The following SYNDIG1L variants were observed in gnomAD, a reference collection of about 807,000 sequenced individuals.
SYNDIG1L encodes the protein synapse differentiation-inducing gene protein 1-like.
Under a neutral mutation model 20.1 loss-of-function variants are expected in SYNDIG1L, and 13 were observed. The ratio of observed to expected loss-of-function variants is 0.65; its 90% CI spans 0.42 to 1.03. The LOEUF (loss-of-function observed/expected upper bound fraction) is 1.03, where lower values mean the gene tolerates loss of function less well. Ranked by LOEUF, SYNDIG1L falls within the 50% of genes least tolerant of loss-of-function variation. The probability of loss-of-function intolerance (pLI) is 0.00; values close to 1 mark genes in which losing one functional copy is unlikely to be tolerated. For missense variants in SYNDIG1L, 294 were observed against 305.1 expected (o/e 0.96, Z 0.27); for synonymous variants, 128 against 129.3 (o/e 0.99, Z 0.07).
At chr14:74,445,061 C>T in the SYNDIG1L span, among the ~76,000 whole-genome samples, 4 of 152,066 alleles carry the variant, frequency 2.6e-5, no homozygotes, top group Admixed American at 2.6e-4. Flanking sequence ...AAGGTGGATC[C>T]CTAATGAATG....
chr14:74,451,013 A>G, the SYNDIG1L span, among the ~76,000 whole-genome samples: 1 of 152,198 alleles, frequency 6.6e-6, no homozygotes, highest in Non-Finnish European at 1.5e-5. Flanking sequence ...AGATTGATCT[A>G]TGGATTCATT....
chr14:74,436,692 T>G, the SYNDIG1L span, among the ~76,000 whole-genome samples: 1 of 151,786 alleles, frequency 6.6e-6, no homozygotes, highest in African/African-American at 2.4e-5. Flanking sequence ...CTACTAAAAA[T>G]ACAAAAAATT....
chr14:74,433,128 A>G, the SYNDIG1L span, among the ~76,000 whole-genome samples: 2 of 152,086 alleles, frequency 1.3e-5, no homozygotes, highest in Admixed American at 6.6e-5. Flanking sequence ...AATCATTGAG[A>G]TCTCTAACCC....
chr14:74,448,008 A>C, the SYNDIG1L span, among the ~76,000 whole-genome samples: 8 of 152,174 alleles, frequency 5.3e-5, no homozygotes, highest in Non-Finnish European at 1.2e-4. Flanking sequence ...CAAAACAAAG[A>C]GTTACAACTA....
At chr14:74,462,078 CTG>C in the SYNDIG1L span, among the ~76,000 whole-genome samples, 244 of 133,966 alleles carry the variant, frequency 1.8e-3, 6 homozygotes, top group Middle Eastern at 0.01. Context: ...GAGTGAGACT[CTG>C]TCTCAAAAAC....
the SYNDIG1L span, among the ~76,000 whole-genome samples, chr14:74,477,091 A>AC: frequency 3.0e-5 from 1 of 33,730 alleles, no homozygotes; most frequent in Non-Finnish European, 6.1e-5. Context: ...CACACACACA[A>AC]CCCTGTCTCC....
the SYNDIG1L span, among the ~76,000 whole-genome samples, chr14:74,461,470 C>T: frequency 6.6e-6 from 1 of 152,176 alleles, no homozygotes; most frequent in Non-Finnish European, 1.5e-5. Flanking sequence ...TCTCTGGTCA[C>T]AATGGGAGAG....
the SYNDIG1L span, among the ~76,000 whole-genome samples, chr14:74,451,984 TAAAAAAAAAAAAA>T: frequency 1.5e-5 from 1 of 65,248 alleles, no homozygotes; most frequent in African/African-American, 6.6e-5. Context: ...AGACTTTGTC[TAAAAAAAAAAAAA>T]AAAAAAAAAA....
rs33945889 is a variant in SYNDIG1L at position 74,420,390 on chromosome 14, CAAA to C, written c.-58+5519_-58+5521del. ...CCTGTGTGACAGAGTGAGACTCTGT[CAAA>C]AAAAAAAAAAAAAAATGCAGGCAGG... On this transcript the variant is annotated intron_variant, in intron 1 of 3. Coordinates refer to ENST00000331628, the MANE Select transcript of SYNDIG1L (RefSeq NM_001105579.2). Among the ~76,000 whole-genome samples the C allele has an allele frequency of 2.0e-5, 2 of 99,254 alleles. 1 individual carries two copies. The highest frequency in any genetic ancestry group is 7.7e-5 in the African/African-American group (2 of 25,956). The allele number at this position is 99,254 out of a possible 152,430, so 65.1% of individuals were successfully genotyped here.
chr14:74,444,197 T>C, the SYNDIG1L span, among the ~76,000 whole-genome samples: 6 of 151,888 alleles, frequency 4.0e-5, no homozygotes, highest in Admixed American at 6.6e-5. Flanking sequence ...GTAGCTGGGA[T>C]TACAGGCACC....
At chr14:74,428,590 G>A (rs998238609), upstream of SYNDIG1L, among the ~76,000 whole-genome samples, 5 of 152,212 alleles carry the variant, frequency 3.3e-5, no homozygotes, top group African/African-American at 1.2e-4. Flanking sequence ...TAAGTGAAGA[G>A]TGCCAGAGAA....
At chr14:74,439,137 C>T in the SYNDIG1L span, among the ~76,000 whole-genome samples, 1 of 145,482 alleles carries the variant, frequency 6.9e-6, no homozygotes, top group East Asian at 2.1e-4. Context: ...AAAAAAAAGG[C>T]TCAGCTCGGG....
the SYNDIG1L span, among the ~76,000 whole-genome samples, chr14:74,456,386 C>G: frequency 6.6e-6 from 1 of 151,948 alleles, no homozygotes; most frequent in Non-Finnish European, 1.5e-5. Flanking sequence ...AAAAATTTGC[C>G]GGGCCTGGTG....
At chr14:74,454,228 C>T in the SYNDIG1L span, among the ~76,000 whole-genome samples, 1 of 151,968 alleles carries the variant, frequency 6.6e-6, no homozygotes, top group African/African-American at 2.4e-5. Flanking sequence ...TTTTTGTCCT[C>T]TGAAGTACTA....
intron 1 of SYNDIG1L, among the ~76,000 whole-genome samples, chr14:74,421,906 C>G (rs549056790): frequency 1.5e-3 from 222 of 152,308 alleles, no homozygotes; most frequent in African/African-American, 5.2e-3. Context: ...CTTTCTACCC[C>G]CTGCCACCCT....
the SYNDIG1L span, among the ~76,000 whole-genome samples, chr14:74,473,021 A>C: frequency 1.4e-4 from 22 of 152,320 alleles, no homozygotes; most frequent in South Asian, 4.6e-3. Flanking sequence ...TAAATTAAGT[A>C]GGAGGAACTT....
chr14:74,469,225 G>A, the SYNDIG1L span, among the ~76,000 whole-genome samples: 2 of 152,118 alleles, frequency 1.3e-5, no homozygotes, highest in East Asian at 3.9e-4. Flanking sequence ...GTCCTTTGTA[G>A]GGACATGGAT....
At chr14:74,451,768 G>A in the SYNDIG1L span, among the ~76,000 whole-genome samples, 1 of 152,068 alleles carries the variant, frequency 6.6e-6, no homozygotes, top group Non-Finnish European at 1.5e-5. Context: ...AAGGCGGGTG[G>A]ATCACGAGGT....
the SYNDIG1L span, among the ~76,000 whole-genome samples, chr14:74,463,741 G>A: frequency 1.3e-5 from 2 of 152,158 alleles, no homozygotes; most frequent in South Asian, 2.1e-4. Flanking sequence ...CGACTGTTCT[G>A]TCTCCTTTAA....
Sources: allele counts gnomAD v4.1 joint callset (sites outside exome capture counted in the v4.1 genomes callset), GRCh38; gene constraint gnomAD v4.1.1; transcripts MANE v1.5; gene names NCBI Gene and HGNC (gene_info 2026-07-23, HGNC 2026-07-21).